GRID1: variants seen among roughly 807,000 people sequenced by gnomAD.
The protein encoded by GRID1 is glutamate receptor ionotropic, delta-1.
A neutral mutation model predicts 98.0 loss-of-function variants in GRID1; 28 were observed. The ratio of observed to expected loss-of-function variants is 0.29; its 90% CI spans 0.21 to 0.39. The LOEUF (loss-of-function observed/expected upper bound fraction) is 0.39, where lower values mean the gene tolerates loss of function less well. GRID1 is among the 10% of genes least tolerant of loss of function. The pLI is 1.00. For synonymous variants in GRID1, 553 were observed against 538.5 expected (o/e 1.03, Z -0.37); for missense variants, 1,111 against 1,340.5 (o/e 0.83, Z 2.67).
intron 2 of GRID1, among the ~76,000 whole-genome samples, chr10:86,295,037 G>A (rs763474861): frequency 1.1e-4 from 16 of 152,200 alleles, no homozygotes; most frequent in Non-Finnish European, 2.2e-4. Context: ...AATGCTCATT[G>A]GAGCAGCTCT....
chr10:86,091,623 A>C (rs1330834618), intron 4 of GRID1, among the ~76,000 whole-genome samples: 1 of 151,738 alleles, frequency 6.6e-6, no homozygotes, highest in Non-Finnish European at 1.5e-5. Flanking sequence ...GTCCCTCTCC[A>C]CAGTGCTACA....
At chr10:85,635,423 GC>G (rs1466142589) in intron 13 of GRID1, among the ~76,000 whole-genome samples, 1 of 151,968 alleles carries the variant, frequency 6.6e-6, no homozygotes, top group Non-Finnish European at 1.5e-5. Context: ...GCCCTCCCCT[GC>G]CCCCTCCTTG....
chr10:85,816,219 T>C (rs1775339734), intron 8 of GRID1, among the ~76,000 whole-genome samples: 1 of 152,150 alleles, frequency 6.6e-6, no homozygotes, highest in Non-Finnish European at 1.5e-5. Context: ...ATAAATATCT[T>C]TACAAAAATT....
intron 3 of GRID1, among the ~76,000 whole-genome samples, chr10:86,176,091 C>T (rs1053712495): frequency 1.3e-5 from 2 of 152,210 alleles, no homozygotes; most frequent in East Asian, 1.9e-4. Context: ...GATCCGCCTG[C>T]CTCAGCCTCC....
intron 8 of GRID1, among the ~76,000 whole-genome samples, chr10:85,746,432 A>T (rs913597477): frequency 6.6e-6 from 1 of 152,150 alleles, no homozygotes; most frequent in African/African-American, 2.4e-5. Context: ...CCACATTTAC[A>T]TACAAAGCCT....
At chr10:86,187,334 A>G (rs1328990416) in intron 3 of GRID1, among the ~76,000 whole-genome samples, 1 of 152,196 alleles carries the variant, frequency 6.6e-6, no homozygotes, top group Non-Finnish European at 1.5e-5. Context: ...CAAGAAGGCT[A>G]TGATGTAGAC....
intron 4 of GRID1, among the ~76,000 whole-genome samples, chr10:85,947,067 A>G (rs1842062890): frequency 6.6e-6 from 1 of 152,210 alleles, no homozygotes; most frequent in African/African-American, 2.4e-5. Context: ...CACCCGCACC[A>G]TTATTCTCAC....
At chr10:85,881,084 T>C (rs953391375) in intron 5 of GRID1, among the ~76,000 whole-genome samples, 2 of 152,166 alleles carry the variant, frequency 1.3e-5, no homozygotes, top group Non-Finnish European at 2.9e-5. Context: ...AGGGACCTCT[T>C]CAAGGAGAAC....
At chr10:86,179,012 C>T (rs1845616699) in intron 3 of GRID1, among the ~76,000 whole-genome samples, 1 of 152,124 alleles carries the variant, frequency 6.6e-6, no homozygotes, top group Admixed American at 6.5e-5. Flanking sequence ...GGAGCCATCC[C>T]AGGTCCCAGC....
chr10:85,662,491 C>G (rs1029961536), intron 12 of GRID1, among the ~76,000 whole-genome samples: 1 of 152,180 alleles, frequency 6.6e-6, no homozygotes. Flanking sequence ...CCATCTCAGC[C>G]GAACCCTGCC....
chr10:86,248,563 C>CTTTTT (rs200060771), intron 2 of GRID1, among the ~76,000 whole-genome samples: 42 of 121,840 alleles, frequency 3.4e-4, no homozygotes, highest in African/African-American at 6.0e-4. Context: ...CATGACAATT[C>CTTTTT]TTTTTTTTTT....
At chr10:86,196,439 C>T (rs1049037066) in intron 3 of GRID1, among the ~76,000 whole-genome samples, 1 of 152,182 alleles carries the variant, frequency 6.6e-6, no homozygotes, top group Admixed American at 6.5e-5. Context: ...TTCAGCCTCA[C>T]AGGAACCCTC....
At chr10:86,256,869 T>A (rs116923284) in intron 2 of GRID1, among the ~76,000 whole-genome samples, 1 of 152,212 alleles carries the variant, frequency 6.6e-6, no homozygotes. Context: ...ATCAGAGGGC[T>A]GAGCTGGGCC....
chr10:86,080,404 AAGGGAAGGGG>A (rs1843952971), intron 4 of GRID1, among the ~76,000 whole-genome samples: 1 of 47,208 alleles, frequency 2.1e-5, no homozygotes, highest in Non-Finnish European at 3.5e-5. Context: ...AAGGGAAGGG[AAGGGAAGGGG>A]AGGGGAGGGG....
intron 3 of GRID1, among the ~76,000 whole-genome samples, chr10:86,169,202 A>C (rs1336151329): frequency 1.3e-5 from 2 of 152,204 alleles, no homozygotes; most frequent in African/African-American, 4.8e-5. Flanking sequence ...CTCTGGAAAC[A>C]CTGCCCTGAG....
chr10:85,829,016 A>G (rs1336848208), intron 8 of GRID1, among the ~76,000 whole-genome samples: 1 of 152,058 alleles, frequency 6.6e-6, no homozygotes, highest in Non-Finnish European at 1.5e-5. Flanking sequence ...AACAGAAAAC[A>G]TCAGGCCAAT....
chr10:86,071,643 AC>A (rs1192334586), intron 4 of GRID1, among the ~76,000 whole-genome samples: 1 of 152,214 alleles, frequency 6.6e-6, no homozygotes, highest in African/African-American at 2.4e-5. Flanking sequence ...ACAGATGATA[AC>A]AAATATTTTC....
Position 86,189,526 on chromosome 10 carries a change from C to T in GRID1, c.520+16838G>A, listed in dbSNP as rs546061824. ...ACACACACACACGCACACACACACA[C>T]ATCACATGCACACATTTCCACTCTA... On this transcript the variant is annotated intron_variant, in intron 3 of 15. Transcript: ENST00000327946. 2.6e-5 allele frequency among the ~76,000 whole-genome samples: 4 copies of T among 152,170 alleles called. No homozygotes were observed. In the South Asian group the frequency reaches 8.3e-4, roughly 32 times the overall value.
chr10:85,916,992 A>G lies in GRID1; in HGVS notation c.727-753T>C, dbSNP rs369385195. Among the ~76,000 whole-genome samples the G allele has an allele frequency of 2.0e-5, 3 of 152,252 alleles. No individual in the cohort carries two copies. In the East Asian group the frequency reaches 5.8e-4, roughly 29 times the overall value. Reference sequence around the variant, plus strand: ...TGTAACCAGCACACAGCAGGTATTCAGCAAACATTGTTGATTATGCAAATG... The same window carrying G: ...TGTAACCAGCACACAGCAGGTATTCGGCAAACATTGTTGATTATGCAAATG... On this transcript the variant is annotated intron_variant, in intron 4 of 15. Coordinates refer to ENST00000327946, the MANE Select transcript of GRID1 (RefSeq NM_017551.3). This position sits in a 1 kb window ranked among gnomAD's most constrained non-coding sequence, Gnocchi z 4.0.
Sources: gnomAD v4.1 joint callset for allele counts (sites outside exome capture counted in the v4.1 genomes callset) on GRCh38, gnomAD v4.1.1 for gene constraint, Gnocchi (gnomAD v3.1) non-coding constraint, MANE v1.5 for transcripts, NCBI Gene and HGNC (gene_info 2026-07-23, HGNC 2026-07-21) for gene names.